Variants in SHISA6 observed in about 807,000 individuals in gnomAD.
SHISA6 encodes protein shisa-6.
In SHISA6, 22 loss-of-function variants were observed where a neutral mutation model predicts 47.9. That is an observed-to-expected ratio of 0.46 (90% CI 0.33 to 0.66). The LOEUF is 0.66. SHISA6 is among the 30% of genes least tolerant of loss of function. The pLI is 0.02. For synonymous variants in SHISA6, 388 were observed against 337.8 expected, an observed-to-expected ratio of 1.15 and a Z score of -1.63; for missense variants, 680 against 764.6, an observed-to-expected ratio of 0.89 and a Z score of 1.30.
At chr17:11,280,757 C>T (rs1338271427) in intron 2 of SHISA6, among the ~76,000 whole-genome samples, 3 of 152,188 alleles carry the variant, frequency 2.0e-5, no homozygotes, top group Non-Finnish European at 4.4e-5. Context: ...CATCAGGCCT[C>T]ATAGGAGAGG....
chr17:11,558,520 T>G lies in SHISA6; in HGVS notation c.*216T>G. The G allele has an allele frequency of 1.7e-6, 1 of 594,294 alleles. No individual in the cohort carries two copies. The highest frequency in any genetic ancestry group is 1.9e-5 in the African/African-American group (1 of 53,800). The allele number at this position is 594,294 out of a possible 1,614,324, so 36.8% of individuals were successfully genotyped here. On this transcript the variant is annotated 3_prime_UTR_variant, in exon 6 of 6. Coordinates refer to ENST00000441885, the MANE Select transcript of SHISA6 (RefSeq NM_207386.4). ...TAGACCCAGGACCAAGAGCAATCGC[T>G]CTTGCTCCTCCAGAAGAATCAGTGG... is the stretch of plus-strand genomic sequence containing the variant.
chr17:11,448,839 AATC>A (rs1485798111), intron 3 of SHISA6, among the ~76,000 whole-genome samples: 1 of 152,010 alleles, frequency 6.6e-6, no homozygotes, highest in Non-Finnish European at 1.5e-5. Context: ...CTGAGCAAAA[AATC>A]ATCTTGTCTC....
intron 3 of SHISA6, among the ~76,000 whole-genome samples, chr17:11,502,495 A>T (rs1200414525): frequency 6.7e-6 from 1 of 150,266 alleles, no homozygotes; most frequent in Non-Finnish European, 1.5e-5. Context: ...TGGGAGGCCG[A>T]GACAGGTGGA....
chr17:11,391,883 T>C (rs1378445838), intron 3 of SHISA6, among the ~76,000 whole-genome samples: 4 of 152,212 alleles, frequency 2.6e-5, no homozygotes, highest in African/African-American at 7.2e-5. Context: ...GAACACCCCA[T>C]GTGTTCTCAG....
chr17:11,475,401 A>G (rs1169529888), intron 3 of SHISA6, among the ~76,000 whole-genome samples: 1 of 152,032 alleles, frequency 6.6e-6, no homozygotes, highest in Non-Finnish European at 1.5e-5. Flanking sequence ...ATTGAATGTG[A>G]TGTTAGCTAT....
chr17:11,266,291 A>G (rs1050594471), intron 2 of SHISA6, among the ~76,000 whole-genome samples: 3 of 152,218 alleles, frequency 2.0e-5, no homozygotes, highest in African/African-American at 4.8e-5. Flanking sequence ...CAGGCATCAG[A>G]GCATATGAGT....
At chr17:11,366,843 C>T (rs1912468025) in intron 2 of SHISA6, among the ~76,000 whole-genome samples, 1 of 152,086 alleles carries the variant, frequency 6.6e-6, no homozygotes, top group Non-Finnish European at 1.5e-5. Flanking sequence ...TTCTTTTGGC[C>T]ATTGTCATGG....
intron 3 of SHISA6, among the ~76,000 whole-genome samples, chr17:11,438,267 A>G (rs574074498): frequency 4.6e-5 from 7 of 152,236 alleles, no homozygotes; most frequent in Non-Finnish European, 8.8e-5. Context: ...TTATCCAAAC[A>G]TTAAACATCA....
intron 2 of SHISA6, among the ~76,000 whole-genome samples, chr17:11,304,034 C>T (rs567353370): frequency 5.9e-4 from 90 of 152,284 alleles, no homozygotes; most frequent in African/African-American, 1.9e-3. Flanking sequence ...TCTGCACAGA[C>T]GAATGGAGCA....
chr17:11,323,115 AAGAAC>A (rs1910763807), intron 2 of SHISA6, among the ~76,000 whole-genome samples: 1 of 152,200 alleles, frequency 6.6e-6, no homozygotes, highest in African/African-American at 2.4e-5. Flanking sequence ...AAGTTCACAA[AAGAAC>A]TTGGAATTCC....
At chr17:11,406,124 T>C (rs1051413900) in intron 3 of SHISA6, among the ~76,000 whole-genome samples, 12 of 152,340 alleles carry the variant, frequency 7.9e-5, no homozygotes, top group African/African-American at 2.6e-4. Flanking sequence ...TAATGGCTTC[T>C]TGGCTTCTCT....
In SHISA6 at chr17:11,564,020, T is replaced by G. The variant is rs2072069872; in HGVS notation, c.*5716T>G. 1 of 152,216 alleles carries G rather than the reference T, an allele frequency of 6.6e-6. No homozygotes were observed. Among genetic ancestry groups the G allele is most frequent in the African/African-American group, 2.4e-5 (1 of 41,464 alleles). The allele number at this position is 152,216 out of a possible 1,614,324, so 9.4% of individuals were successfully genotyped here. A position where few individuals can be genotyped will look rare whatever the true frequency, so the allele number is the denominator to read the frequency against. ...TTAAGGATTTTTCCACTTTTGTCAG[T>G]AACAGATATTTATGGATTAAAAAAT... On this transcript the variant is annotated 3_prime_UTR_variant, in exon 6 of 6. Coordinates refer to ENST00000441885, the MANE Select transcript of SHISA6 (RefSeq NM_207386.4).
chr17:11,372,546 G>T (rs962931631), intron 2 of SHISA6, among the ~76,000 whole-genome samples: 13 of 151,512 alleles, frequency 8.6e-5, no homozygotes, highest in African/African-American at 2.9e-4. Flanking sequence ...GTGTAGTGGG[G>T]TACTACCTAT....
chr17:11,319,044 T>C (rs981107702), intron 2 of SHISA6, among the ~76,000 whole-genome samples: 1 of 151,528 alleles, frequency 6.6e-6, no homozygotes, highest in African/African-American at 2.4e-5. Context: ...TTATTATATT[T>C]TATTTTCTAA....
At chr17:11,480,904 A>G (rs1324648755) in intron 3 of SHISA6, among the ~76,000 whole-genome samples, 1 of 152,208 alleles carries the variant, frequency 6.6e-6, no homozygotes, top group Non-Finnish European at 1.5e-5. Context: ...AGTTGAAGGC[A>G]GGGGGAAGTG....
intron 3 of SHISA6, among the ~76,000 whole-genome samples, chr17:11,414,825 C>A (rs569549292): frequency 2.4e-4 from 36 of 152,274 alleles, no homozygotes; most frequent in African/African-American, 7.9e-4. Context: ...TGGTGGCTCA[C>A]GCCTGTAATC....
chr17:11,492,434 A>G (rs922358680), intron 3 of SHISA6, among the ~76,000 whole-genome samples: 15 of 152,156 alleles, frequency 9.9e-5, no homozygotes, highest in Non-Finnish European at 1.6e-4. Context: ...ACTTGAGTTT[A>G]AGTCTCAGCT....
intron 2 of SHISA6, among the ~76,000 whole-genome samples, chr17:11,325,472 G>A (rs148020018): frequency 0.01 from 1,563 of 152,262 alleles, 14 homozygotes; most frequent in Non-Finnish European, 0.015. Context: ...CCCTAATTCC[G>A]GGGCACTGAC....
chr17:11,430,981 T>A (rs2142289613), intron 3 of SHISA6, among the ~76,000 whole-genome samples: 1 of 152,298 alleles, frequency 6.6e-6, no homozygotes, highest in Non-Finnish European at 1.5e-5. Flanking sequence ...AATGGGCATT[T>A]GCTAAGTTAG....
Sources: allele counts gnomAD v4.1 joint callset (sites outside exome capture counted in the v4.1 genomes callset), GRCh38; gene constraint gnomAD v4.1.1; transcripts MANE v1.5; gene names NCBI Gene and HGNC (gene_info 2026-07-23, HGNC 2026-07-21).